Variants in PRKCA observed in about 807,000 individuals in gnomAD.
PRKCA encodes protein kinase C alpha.
In PRKCA, 27 loss-of-function variants were observed where a neutral mutation model predicts 87.0. That is an observed-to-expected ratio of 0.31 (90% CI 0.23 to 0.43). The LOEUF is 0.43. PRKCA is among the 20% of genes least tolerant of loss of function. The probability of loss-of-function intolerance (pLI) is 1.00; values close to 1 mark genes in which losing one functional copy is unlikely to be tolerated. For synonymous variants in PRKCA, 329 were observed against 311.1 expected, an observed-to-expected ratio of 1.06 and a Z score of -0.61; for missense variants, 518 against 852.3, an observed-to-expected ratio of 0.61 and a Z score of 4.88.
rs983852698 is a variant in PRKCA at position 66,803,172 on chromosome 17, C to T, written c.1855-701C>T. 3.3e-4 allele frequency among the ~76,000 whole-genome samples: 50 copies of T among 152,160 alleles called. No homozygotes were observed. Among genetic ancestry groups the T allele is most frequent in the African/African-American group, 1.2e-3 (50 of 41,416 alleles). ...GAGACAGCAGGCCTCTCCCTGCCTC[C>T]CCAGGGCGCCATGCAAACATCCTCC... On this transcript the variant is annotated intron_variant, in intron 16 of 16. Coordinates refer to ENST00000413366, the MANE Select transcript of PRKCA (RefSeq NM_002737.3). The surrounding 1 kb of genome is among the most constrained non-coding windows in gnomAD (Gnocchi z 4.4).
chr17:66,711,256 G>A (rs907243398), intron 8 of PRKCA, among the ~76,000 whole-genome samples: 2 of 152,062 alleles, frequency 1.3e-5, no homozygotes, highest in African/African-American at 4.8e-5. Context: ...AGTTTTATAG[G>A]CATACATCTG....
At chr17:66,559,668 A>G (rs1159032740) in intron 3 of PRKCA, among the ~76,000 whole-genome samples, 1 of 152,072 alleles carries the variant, frequency 6.6e-6, no homozygotes, top group African/African-American at 2.4e-5. Flanking sequence ...AGTCTTCATT[A>G]AGTCCTTATA....
At chr17:66,650,446 A>T (rs1456441754) in intron 5 of PRKCA, among the ~76,000 whole-genome samples, 1 of 152,170 alleles carries the variant, frequency 6.6e-6, no homozygotes. Flanking sequence ...GTAGTAAAAA[A>T]AAAATCCCTC....
chr17:66,464,571 G>A (rs1915001792), intron 2 of PRKCA, among the ~76,000 whole-genome samples: 1 of 152,220 alleles, frequency 6.6e-6, no homozygotes. Flanking sequence ...CATTCTAATA[G>A]GTGTGTAGTG....
At chr17:66,368,547 C>T (rs1324569939) in intron 2 of PRKCA, among the ~76,000 whole-genome samples, 2 of 150,946 alleles carry the variant, frequency 1.3e-5, no homozygotes, top group African/African-American at 4.9e-5. Flanking sequence ...TACACCACCA[C>T]ATCCGGCTAA....
Position 66,392,268 on chromosome 17 carries a change from C to T in PRKCA, c.205+86141C>T, listed in dbSNP as rs113455038. ...AAAAAAATGTGGTTACAGAGGACTA[C>T]GTGCTTTGGGAGTACAGAGTGGGAA... is the stretch of plus-strand genomic sequence containing the variant. On this transcript the variant is annotated intron_variant, in intron 2 of 16. Coordinates refer to ENST00000413366, the MANE Select transcript of PRKCA (RefSeq NM_002737.3). Among the ~76,000 whole-genome samples the T allele has an allele frequency of 4.0e-3, 608 of 151,506 alleles. 3 individuals carry two copies. Among genetic ancestry groups the T allele is most frequent in the African/African-American group, 0.011 (435 of 41,366 alleles).
chr17:66,625,389 A>G (rs995165696), intron 3 of PRKCA, among the ~76,000 whole-genome samples: 1 of 152,024 alleles, frequency 6.6e-6, no homozygotes, highest in East Asian at 1.9e-4. Context: ...GTTCCTCTCT[A>G]CTCTGCTGGT....
intron 2 of PRKCA, among the ~76,000 whole-genome samples, chr17:66,407,799 A>G (rs1451470474): frequency 2.0e-5 from 3 of 152,162 alleles, no homozygotes; most frequent in Non-Finnish European, 4.4e-5. Context: ...CATTAACAGA[A>G]TTTTACGATT....
chr17:66,707,781 A>T (rs530813782), intron 8 of PRKCA, among the ~76,000 whole-genome samples: 172 of 152,246 alleles, frequency 1.1e-3, no homozygotes, highest in African/African-American at 4.0e-3. Context: ...CTCATAGTGG[A>T]GGGAAGCTTA....
intron 5 of PRKCA, among the ~76,000 whole-genome samples, chr17:66,662,587 G>A (rs1348596665): frequency 6.6e-6 from 1 of 152,070 alleles, no homozygotes; most frequent in Admixed American, 6.6e-5. Flanking sequence ...GTAGTCTAAG[G>A]TGTTGACGGA....
chr17:66,583,661 A>G (rs1639616330), intron 3 of PRKCA, among the ~76,000 whole-genome samples: 1 of 151,880 alleles, frequency 6.6e-6, no homozygotes, highest in Admixed American at 6.6e-5. Context: ...TCGAATGGAG[A>G]AATGTTTGAA....
intron 13 of PRKCA, among the ~76,000 whole-genome samples, chr17:66,754,293 AT>A (rs1451097526): frequency 6.6e-6 from 1 of 152,054 alleles, no homozygotes; most frequent in Non-Finnish European, 1.5e-5. Flanking sequence ...GGAAGGAGGA[AT>A]AAAGGCCCCA....
At chr17:66,520,612 G>A (rs561093574) in intron 3 of PRKCA, among the ~76,000 whole-genome samples, 3 of 152,138 alleles carry the variant, frequency 2.0e-5, no homozygotes, top group African/African-American at 4.8e-5. Context: ...CAAAAGGCAC[G>A]TTAAGTTCAA....
intron 3 of PRKCA, among the ~76,000 whole-genome samples, chr17:66,503,030 A>T (rs73996236): frequency 0.025 from 3,754 of 152,252 alleles, 129 homozygotes; most frequent in African/African-American, 0.085. Flanking sequence ...AAAATAACAC[A>T]CATGCTAAGC....
rs1484141154 is a variant in PRKCA, at chr17:66,808,419, T to A, written c.*4382T>A. ...AAAGCCTCGGAAAGGTGATACCATC[T>A]GACAGTCATTTTCTCACGTTGGTCT... On this transcript the variant is annotated 3_prime_UTR_variant, in exon 17 of 17. Transcript: ENST00000413366. 6.6e-6 allele frequency: 1 copy of A among 151,322 alleles called. No homozygotes were observed. Among genetic ancestry groups the A allele is most frequent in the Non-Finnish European group, 1.5e-5 (1 of 67,894 alleles). 9.4% of individuals were successfully genotyped at this position (151,322 alleles called of 1,614,324 possible). A position where few individuals can be genotyped will look rare whatever the true frequency, so the allele number is the denominator to read the frequency against.
intron 2 of PRKCA, among the ~76,000 whole-genome samples, chr17:66,483,048 G>A (rs1048921079): frequency 2.6e-5 from 4 of 152,170 alleles, no homozygotes; most frequent in Non-Finnish European, 5.9e-5. Flanking sequence ...AGACACAGAT[G>A]TGCTGTCCCG....
chr17:66,582,926 G>T (rs976803898), intron 3 of PRKCA, among the ~76,000 whole-genome samples: 7 of 152,202 alleles, frequency 4.6e-5, no homozygotes, highest in Non-Finnish European at 8.8e-5. Flanking sequence ...TTTGGGGCCA[G>T]ATAGTCTGGT....
chr17:66,795,855 C>G (rs1323228021), intron 16 of PRKCA, among the ~76,000 whole-genome samples: 1 of 152,214 alleles, frequency 6.6e-6, no homozygotes, highest in Non-Finnish European at 1.5e-5. Context: ...CCATGATAAG[C>G]CAGAACCTTC....
chr17:66,456,577 T>C (rs978618744), intron 2 of PRKCA, among the ~76,000 whole-genome samples: 1 of 152,148 alleles, frequency 6.6e-6, no homozygotes, highest in African/African-American at 2.4e-5. Context: ...ATCTAGACTT[T>C]AAAATTGTCA....
Sources: gnomAD v4.1 joint callset for allele counts (sites outside exome capture counted in the v4.1 genomes callset) on GRCh38, gnomAD v4.1.1 for gene constraint, Gnocchi (gnomAD v3.1) non-coding constraint, MANE v1.5 for transcripts, NCBI Gene and HGNC (gene_info 2026-07-23, HGNC 2026-07-21) for gene names.